The following LDAF1 variants were observed in gnomAD, a reference collection of about 807,000 sequenced individuals.
The protein encoded by LDAF1 is PROMETHIN.
Under a neutral mutation model 13.5 loss-of-function variants are expected in LDAF1, and 7 were observed. That is an observed-to-expected ratio of 0.52 (90% CI 0.29 to 0.97). The LOEUF (loss-of-function observed/expected upper bound fraction) is 0.97. LDAF1 is among the 50% of genes least tolerant of loss of function. The pLI, the probability that LDAF1 is intolerant of heterozygous loss-of-function variation, is 0.07. For missense variants in LDAF1, 148 were observed against 193.2 expected (o/e 0.77, Z 1.39); for synonymous variants, 69 against 77.1 (o/e 0.89, Z 0.55).
At position 21,178,378 on chromosome 16, in the gene LDAF1, G is replaced by C. The variant is rs534835906; in HGVS notation, c.405-1097G>C. The stretch of plus-strand genomic sequence containing the variant: ...TACATCTTTACTAAGAAAAGGAAAG[G>C]CTTCTTTCTTAGTTTTTTGTTATCA... On this transcript the variant is annotated intron_variant, in intron 4 of 4. Transcript: ENST00000233047. The C allele has an allele frequency of 2.8e-4, 277 of 985,392 alleles. 3 individuals are homozygous for C. The African/African-American group carries it at 4.4e-3, about 16-fold the overall frequency. 61.0% of individuals were successfully genotyped at this position (985,392 alleles called of 1,614,324 possible). A position where few individuals can be genotyped will look rare whatever the true frequency, so the allele number is the denominator to read the frequency against.
At chr16:21,163,181 C>G (rs1182747235) in intron 2 of LDAF1, among the ~76,000 whole-genome samples, 1 of 152,150 alleles carries the variant, frequency 6.6e-6, no homozygotes, top group African/African-American at 2.4e-5. Flanking sequence ...CCATTTTCAA[C>G]AGTAAAATCA....
At chr16:21,167,019 T>C in intron 2 of LDAF1, 1 of 1,033,872 alleles carries the variant, frequency 9.7e-7, no homozygotes, top group East Asian at 2.6e-5. Context: ...CAGCGGGCAT[T>C]ATGCCGTCCT....
At chr16:21,159,500 C>T in intron 1 of LDAF1, 2 of 1,528,208 alleles carry the variant, frequency 1.3e-6, no homozygotes, top group South Asian at 1.1e-5. Flanking sequence ...AGCCGTTTTC[C>T]CCTGGAGGTT....
intron 4 of LDAF1, among the ~76,000 whole-genome samples, chr16:21,176,834 G>C (rs1433032947): frequency 6.6e-6 from 1 of 150,568 alleles, no homozygotes; most frequent in Non-Finnish European, 1.5e-5. Flanking sequence ...TGGGAGGTTG[G>C]GGGTGCAGTG....
At chr16:21,177,921 A>G (rs941538482) in intron 4 of LDAF1, among the ~76,000 whole-genome samples, 2 of 152,054 alleles carry the variant, frequency 1.3e-5, no homozygotes, top group Non-Finnish European at 2.9e-5. Flanking sequence ...CCCAGCCTGC[A>G]TTAGTGAATT....
intron 2 of LDAF1, among the ~76,000 whole-genome samples, chr16:21,164,325 C>A (rs186115900): frequency 7.2e-5 from 11 of 152,254 alleles, no homozygotes; most frequent in African/African-American, 2.6e-4. Context: ...CTTACTGTAG[C>A]CTCGAACTTC....
intron 4 of LDAF1, chr16:21,178,513 G>A (rs574700415): frequency 2.2e-6 from 1 of 461,118 alleles, no homozygotes; most frequent in East Asian, 1.5e-4. Context: ...GACAGCCCAG[G>A]GCTGGTGCAG....
chr16:21,174,840 C>T (rs778942553), intron 4 of LDAF1, among the ~76,000 whole-genome samples: 1 of 152,120 alleles, frequency 6.6e-6, no homozygotes, highest in Non-Finnish European at 1.5e-5. Context: ...TCACCCAAAG[C>T]GGTACAGTAT....
intron 4 of LDAF1, 80 bp from the exon 5 acceptor site, chr16:21,179,395 A>G (rs1256829164): frequency 2.5e-6 from 4 of 1,611,054 alleles, no homozygotes; most frequent in Non-Finnish European, 2.5e-6. Flanking sequence ...AAAGAACATC[A>G]TGTATTCAGC....
intron 2 of LDAF1, among the ~76,000 whole-genome samples, chr16:21,161,706 CCTAT>C (rs1654517619): frequency 6.6e-6 from 1 of 151,998 alleles, no homozygotes; most frequent in African/African-American, 2.4e-5. Flanking sequence ...TGAATTTTGC[CCTAT>C]CTGTTACCCT....
At chr16:21,172,286 A>C (rs2093096549) in intron 3 of LDAF1, among the ~76,000 whole-genome samples, 1 of 151,866 alleles carries the variant, frequency 6.6e-6, no homozygotes, top group African/African-American at 2.4e-5. Context: ...TCTCTACTAA[A>C]AATACAAAAA....
intron 4 of LDAF1, among the ~76,000 whole-genome samples, chr16:21,175,172 C>G (rs536376354): frequency 6.6e-6 from 1 of 152,330 alleles, no homozygotes; most frequent in African/African-American, 2.4e-5. Flanking sequence ...ATTTTAGAAT[C>G]TAAGTCCCAA....
chr16:21,166,909 A>G, intron 2 of LDAF1: 1 of 1,535,618 alleles, frequency 6.5e-7, no homozygotes, highest in Non-Finnish European at 8.7e-7. Flanking sequence ...TGCTGGCTCC[A>G]AGGTGATTCC....
chr16:21,174,649 C>T (rs1452950519), intron 4 of LDAF1, among the ~76,000 whole-genome samples: 1 of 152,214 alleles, frequency 6.6e-6, no homozygotes, highest in Admixed American at 6.5e-5. Context: ...GAATTTTAAA[C>T]AAAGCAATTG....
chr16:21,178,314 C>T (rs1286917470), intron 4 of LDAF1: 7 of 985,232 alleles, frequency 7.1e-6, no homozygotes, highest in African/African-American at 1.7e-5. Context: ...TACCCCATAT[C>T]ATAATCTTCC....
chr16:21,164,093 G>A (rs1262034116), intron 2 of LDAF1, among the ~76,000 whole-genome samples: 2 of 152,094 alleles, frequency 1.3e-5, no homozygotes, highest in Admixed American at 1.3e-4. Context: ...CTGATACCAG[G>A]GAATTTGCCT....
intron 2 of LDAF1, among the ~76,000 whole-genome samples, chr16:21,167,263 A>G (rs1227691245): frequency 6.6e-6 from 1 of 152,170 alleles, no homozygotes; most frequent in Non-Finnish European, 1.5e-5. Context: ...TAGGAGGCAC[A>G]TGTGTTTTGG....
intron 4 of LDAF1, chr16:21,177,052 T>C (rs1047620899): frequency 2.6e-5 from 4 of 152,228 alleles, no homozygotes; most frequent in Non-Finnish European, 5.9e-5. Context: ...TACCTGTTGA[T>C]ATAAATAACA....
chr16:21,176,568 A>T (rs1408735424), intron 4 of LDAF1, among the ~76,000 whole-genome samples: 1 of 152,110 alleles, frequency 6.6e-6, no homozygotes, highest in Non-Finnish European at 1.5e-5. Context: ...ATTTGGGCCC[A>T]GGAGTTCAAG....
Sources: gnomAD v4.1 joint callset for allele counts (sites outside exome capture counted in the v4.1 genomes callset) on GRCh38, gnomAD v4.1.1 for gene constraint, MANE v1.5 for transcripts, NCBI Gene and HGNC (gene_info 2026-07-23, HGNC 2026-07-21) for gene names.